AK9: variants seen among roughly 807,000 people sequenced by gnomAD.
AK9 encodes adenylate kinase domain containing 1.
Under a neutral mutation model 239.6 loss-of-function variants are expected in AK9, and 191 were observed. The ratio of observed to expected loss-of-function variants is 0.80; its 90% CI spans 0.71 to 0.90. The LOEUF is 0.90. Ranked by LOEUF, AK9 falls within the 40% of genes least tolerant of loss-of-function variation. The pLI is 0.00. For synonymous variants in AK9, 689 were observed against 721.0 expected (o/e 0.96, Z 0.71); for missense variants, 1,995 against 2,214.7 (o/e 0.90, Z 1.99).
At chr6:109,606,238 A>C (rs1203897364) in intron 17 of AK9, among the ~76,000 whole-genome samples, 3 of 150,372 alleles carry the variant, frequency 2.0e-5, no homozygotes, top group African/African-American at 7.4e-5. Context: ...TTTACTTTAT[A>C]TTTTATCACT....
At chr6:109,533,065 T>A (rs949297867) in intron 28 of AK9, among the ~76,000 whole-genome samples, 186 bp downstream of exon 28, 20 of 152,216 alleles carry the variant, frequency 1.3e-4, no homozygotes, top group Non-Finnish European at 4.4e-5. Flanking sequence ...ATTAACACAT[T>A]GATCACCACA....
chr6:109,535,071 T>C (rs1781797165), intron 27 of AK9, among the ~76,000 whole-genome samples: 2 of 152,252 alleles, frequency 1.3e-5, no homozygotes, highest in Admixed American at 6.5e-5. Flanking sequence ...AACATACGTG[T>C]GCATGTGGCA....
chr6:109,517,511 G>A (rs769445295), intron 29 of AK9, among the ~76,000 whole-genome samples: 2 of 152,198 alleles, frequency 1.3e-5, no homozygotes. Flanking sequence ...ACTGGGACAA[G>A]ATGTTTCCTT....
At chr6:109,636,476 G>A (rs1442249220) in intron 10 of AK9, among the ~76,000 whole-genome samples, 3 of 151,814 alleles carry the variant, frequency 2.0e-5, no homozygotes, top group Non-Finnish European at 4.4e-5. Context: ...TATATTCACT[G>A]TGTTGTGCAA....
intron 17 of AK9, among the ~76,000 whole-genome samples, chr6:109,601,816 C>G (rs1583204922): frequency 7.6e-6 from 1 of 131,720 alleles, no homozygotes; most frequent in Non-Finnish European, 1.6e-5. Flanking sequence ...TTGAATTGAT[C>G]CCTTTACCAT....
intron 10 of AK9, among the ~76,000 whole-genome samples, chr6:109,637,328 T>C (rs1583358013): frequency 6.6e-6 from 1 of 152,204 alleles, no homozygotes; most frequent in East Asian, 1.9e-4. Flanking sequence ...AATATTCTTC[T>C]CCTTTCTGTG....
At position 109,515,944 on chromosome 6, in the gene AK9, A is replaced by G. The variant is rs150078049; in HGVS notation, c.3978T>C (p.Cys1326=). 0.011 allele frequency: 16,908 copies of G among 1,551,698 alleles called. 147 individuals are homozygous for G. The highest frequency in any genetic ancestry group is 0.059 in the Middle Eastern group (355 of 5,990). The change falls in exon 31 of 41, where the codon TGT becomes TGC. Residue 1326 remains cysteine, a synonymous_variant. Transcript: ENST00000424296. ...GGGCAAGGGGTGCTGGTATTGGATGACATTTCTCAAAAATGCTTGCACGAT... is the reference window on the plus strand; with the variant it reads ...GGGCAAGGGGTGCTGGTATTGGATGGCATTTCTCAAAAATGCTTGCACGAT... ...VENRASIFEK[C]HPIPAPLAQK...
At chr6:109,564,977 T>TTCCCTAACAA in intron 21 of AK9, 132 bp from the exon 22 acceptor site, 1 of 587,468 alleles carries the variant, frequency 1.7e-6, no homozygotes, top group Non-Finnish European at 2.7e-6. Context: ...GCAAAGTTCT[T>TTCCCTAACAA]GTTAGGGAAA....
chr6:109,613,842 TTG>T (rs1245080696), intron 15 of AK9, among the ~76,000 whole-genome samples: 2 of 151,974 alleles, frequency 1.3e-5, no homozygotes, highest in Non-Finnish European at 2.9e-5. Context: ...ACAGCTAAAA[TTG>T]TGGCCTTAAG....
At chr6:109,579,698 C>T in intron 19 of AK9, 72 bp from the exon 20 acceptor site, 4 of 1,233,306 alleles carry the variant, frequency 3.2e-6, no homozygotes, top group South Asian at 3.0e-5. Context: ...GGATTAAATG[C>T]TTATAGTGTT....
At position 109,656,715 on chromosome 6, in the gene AK9, A is replaced by C. The variant is rs754711140; in HGVS notation, c.759+41T>G. The C allele has an allele frequency of 1.7e-5, 26 of 1,532,408 alleles. No homozygotes were observed. In the African/African-American group the frequency reaches 3.3e-4, roughly 20 times the overall value. 94.9% of individuals were successfully genotyped at this position (1,532,408 alleles called of 1,614,324 possible). ...AGCTACTTAACCAGTGATGAAACAC[A>C]AATATCAATATTCATTTTCAGCAAT... On this transcript the variant is annotated intron_variant, in intron 8 of 40. Transcript: ENST00000424296.
chr6:109,591,371 A>C (rs1274236154), intron 17 of AK9, among the ~76,000 whole-genome samples: 2 of 152,062 alleles, frequency 1.3e-5, no homozygotes, highest in African/African-American at 4.8e-5. Context: ...TCTGTATGGA[A>C]TATCTTTTTC....
chr6:109,527,900 G>A (rs6568580), intron 29 of AK9: 88,599 of 152,074 alleles, frequency 0.58, 27,501 homozygotes, highest in South Asian at 0.84. Context: ...AGATTTAACT[G>A]AAGAGTAGCA....
At chr6:109,660,141 A>C (rs201104017) in intron 6 of AK9, among the ~76,000 whole-genome samples, 1 of 152,224 alleles carries the variant, frequency 6.6e-6, no homozygotes, top group Non-Finnish European at 1.5e-5. Flanking sequence ...TCAGGTCACA[A>C]TGTCACATGG....
At chr6:109,651,088 G>T (rs1289627696) in intron 8 of AK9, among the ~76,000 whole-genome samples, 1 of 152,092 alleles carries the variant, frequency 6.6e-6, no homozygotes, top group Admixed American at 6.5e-5. Flanking sequence ...TTGTGGGGTG[G>T]GGGTAGTGGG....
At chr6:109,687,762 G>T (rs947512880) in intron 1 of AK9, among the ~76,000 whole-genome samples, 19 of 152,314 alleles carry the variant, frequency 1.2e-4, no homozygotes, top group African/African-American at 4.6e-4. Flanking sequence ...TGATGCCAGG[G>T]CTCCTGGCCA....
chr6:109,644,584 T>A (rs79698332), intron 9 of AK9, 30 bp downstream of exon 9: 1 of 1,559,430 alleles, frequency 6.4e-7, no homozygotes, highest in Admixed American at 2.0e-5. Flanking sequence ...TTCCATGCTG[T>A]GAAGTATTCC....
At chr6:109,577,856 TTTTC>T (rs144039877) in intron 20 of AK9, among the ~76,000 whole-genome samples, 4,263 of 151,184 alleles carry the variant, frequency 0.028, 96 homozygotes, top group East Asian at 0.11. Context: ...TCCTCTCTCT[TTTTC>T]TTTCTTTCTT....
At chr6:109,639,473 T>A (rs981116936) in intron 10 of AK9, among the ~76,000 whole-genome samples, 4 of 152,252 alleles carry the variant, frequency 2.6e-5, no homozygotes, top group Admixed American at 2.6e-4. Flanking sequence ...TCAGTTCATA[T>A]CCTTTGCCCA....
Sources: gnomAD v4.1 joint callset for allele counts (sites outside exome capture counted in the v4.1 genomes callset) on GRCh38, gnomAD v4.1.1 for gene constraint, MANE v1.5 for transcripts, NCBI Gene and HGNC (gene_info 2026-07-23, HGNC 2026-07-21) for gene names.